APBA2: variants seen among roughly 807,000 people sequenced by gnomAD.
APBA2 encodes the protein amyloid beta precursor protein binding family A member 2, also known as amyloid-beta A4 precursor protein-binding family A member 2.
A neutral mutation model predicts 75.0 loss-of-function variants in APBA2; 30 were observed. The ratio of observed to expected loss-of-function variants is 0.40; its 90% CI spans 0.30 to 0.54. APBA2 has a LOEUF of 0.54. APBA2 is among the 20% of genes least tolerant of loss of function. The pLI is 0.49. For synonymous variants in APBA2, 444 were observed against 409.6 expected (o/e 1.08, Z -1.01); for missense variants, 801 against 1,016.1 (o/e 0.79, Z 2.88).
chr15:29,117,220 C>T lies in APBA2; in HGVS notation c.*87C>T. On this transcript the variant is annotated 3_prime_UTR_variant, in exon 15 of 15. Transcript: ENST00000683413. ...TGGGAGCCGGGCCGCAGACTTGACC[C>T]CGACGCCACAGCCCAGCCACGGACG... 7.8e-7 allele frequency: 1 copy of T among 1,283,000 alleles called. No homozygotes were observed. The highest frequency in any genetic ancestry group is 1.1e-6 in the Non-Finnish European group (1 of 884,240). The allele number at this position is 1,283,000 out of a possible 1,614,324, so 79.5% of individuals were successfully genotyped here.
At chr15:29,089,128 G>A (rs2043431604) in intron 6 of APBA2, among the ~76,000 whole-genome samples, 1 of 152,198 alleles carries the variant, frequency 6.6e-6, no homozygotes, top group African/African-American at 2.4e-5. Context: ...TTGTTCTGTG[G>A]CTGTGGGACT....
At chr15:28,950,385 T>G (rs4456468) in intron 2 of APBA2, among the ~76,000 whole-genome samples, 23 of 151,922 alleles carry the variant, frequency 1.5e-4, no homozygotes, top group African/African-American at 5.6e-4. Flanking sequence ...TCCCAGCACT[T>G]TGGGAGGCCG....
chr15:29,114,816 G>A (rs1350321164), intron 14 of APBA2, among the ~76,000 whole-genome samples: 5 of 150,884 alleles, frequency 3.3e-5, no homozygotes, highest in African/African-American at 9.8e-5. Context: ...GAGTGTATGC[G>A]GATGTACGTG....
rs1049145164 is a variant in APBA2, at chr15:28,991,439, G to A, written c.-94-4314G>A. On this transcript the variant is annotated intron_variant, in intron 2 of 14. Transcript: ENST00000683413. This position sits in a 1 kb window ranked among gnomAD's most constrained non-coding sequence, Gnocchi z 4.7. ...CTTGTGCCGGAGCTCACCTTGTGCC[G>A]GAGCTCACCTTGTGCCAGGTGTTGA... Among the ~76,000 whole-genome samples the A allele has an allele frequency of 7.3e-6, 1 of 137,040 alleles. No homozygotes were observed. Among genetic ancestry groups the A allele is most frequent in the South Asian group, 2.1e-4 (1 of 4,754 alleles). The allele number at this position is 137,040 out of a possible 152,430, so 89.9% of individuals were successfully genotyped here.
intron 2 of APBA2, among the ~76,000 whole-genome samples, chr15:28,932,886 T>C (rs1220941121): frequency 1.3e-5 from 2 of 152,176 alleles, no homozygotes; most frequent in Admixed American, 6.5e-5. Flanking sequence ...TGTATTCTGC[T>C]GCTGAAACAG....
At chr15:28,956,172 AC>A (rs559502532) in intron 2 of APBA2, among the ~76,000 whole-genome samples, 5 of 152,170 alleles carry the variant, frequency 3.3e-5, no homozygotes, top group African/African-American at 1.2e-4. Flanking sequence ...TGCTGTGGTA[AC>A]AGAAGGGTGG....
At chr15:28,983,371 GTAAT>G (rs2037724578) in intron 2 of APBA2, among the ~76,000 whole-genome samples, 1 of 152,118 alleles carries the variant, frequency 6.6e-6, no homozygotes, top group South Asian at 2.1e-4. Context: ...TGGCGGGAGA[GTAAT>G]TGGCTTTGGT....
At chr15:28,968,434 A>G (rs1361137638) in intron 2 of APBA2, among the ~76,000 whole-genome samples, 3 of 152,174 alleles carry the variant, frequency 2.0e-5, no homozygotes, top group Non-Finnish European at 4.4e-5. Flanking sequence ...CCTGTGGAAC[A>G]TCTCCCTTCT....
At chr15:29,096,821 C>T (rs11070544) in intron 8 of APBA2, among the ~76,000 whole-genome samples, 101,123 of 152,190 alleles carry the variant, frequency 0.66, 39,159 homozygotes, top group Non-Finnish European at 0.86. Context: ...CCAGTGACCA[C>T]GGAGAATTAT....
intron 2 of APBA2, among the ~76,000 whole-genome samples, chr15:28,977,865 G>A (rs887985007): frequency 1.3e-5 from 2 of 152,140 alleles, no homozygotes; most frequent in African/African-American, 2.4e-5. Flanking sequence ...ACAGTCGGGT[G>A]TGGAGCAGTT....
At chr15:29,071,890 C>G (rs1269823503) in intron 4 of APBA2, among the ~76,000 whole-genome samples, 1 of 152,030 alleles carries the variant, frequency 6.6e-6, no homozygotes, top group Non-Finnish European at 1.5e-5. Flanking sequence ...TGCCCGTGGA[C>G]ACCCCATACT....
chr15:29,031,545 C>G (rs2040487954), intron 3 of APBA2, among the ~76,000 whole-genome samples: 1 of 152,160 alleles, frequency 6.6e-6, no homozygotes, highest in African/African-American at 2.4e-5. Flanking sequence ...TCTTGGCCCA[C>G]TGCAACCTCT....
chr15:29,104,743 G>A (rs1239889325), intron 10 of APBA2, among the ~76,000 whole-genome samples: 1 of 152,118 alleles, frequency 6.6e-6, no homozygotes, highest in African/African-American at 2.4e-5. Context: ...CGATGCTCCC[G>A]GAAAACACAC....
rs80038355 is a variant in APBA2 at position 29,085,124 on chromosome 15, C to A, written c.1070-7951C>A. Among the ~76,000 whole-genome samples, 1,187 of 152,252 alleles carry A rather than the reference C, an allele frequency of 7.8e-3. 19 individuals are homozygous for A. Among genetic ancestry groups the A allele is most frequent in the African/African-American group, 0.025 (1,031 of 41,536 alleles). ...TCTTCTTCATTAGTTAGCTGGAATT[C>A]TTCTATGTAGAGAAACTTTCCCTCA... is the stretch of plus-strand genomic sequence containing the variant. On this transcript the variant is annotated intron_variant, in intron 6 of 14. Transcript: ENST00000683413.
At chr15:29,001,330 C>A (rs949575567) in intron 3 of APBA2, among the ~76,000 whole-genome samples, 1 of 152,160 alleles carries the variant, frequency 6.6e-6, no homozygotes, top group Admixed American at 6.5e-5. Context: ...CCCACCTCAG[C>A]CCCCTGAGTA....
At chr15:29,090,580 G>C (rs2043512583) in intron 6 of APBA2, among the ~76,000 whole-genome samples, 1 of 152,166 alleles carries the variant, frequency 6.6e-6, no homozygotes, top group South Asian at 2.1e-4. Flanking sequence ...GTGCCAGGCA[G>C]CCCCTGCCAC....
intron 3 of APBA2, among the ~76,000 whole-genome samples, chr15:29,047,886 A>T (rs1417860305): frequency 1.3e-5 from 2 of 152,188 alleles, no homozygotes; most frequent in Non-Finnish European, 2.9e-5. Flanking sequence ...TAAGGAAGAG[A>T]TCTATTCGCA....
Position 29,082,323 on chromosome 15 carries a change from A to G in APBA2, c.1069+6232A>G, listed in dbSNP as rs867968787. ...GTTTACATGGTGAAATGACTACCAC[A>G]GCCAAGCGCATTAACATAGCCATCA... On this transcript the variant is annotated intron_variant, in intron 6 of 14. Transcript: ENST00000683413. Among the ~76,000 whole-genome samples, 12 of 152,366 alleles carry G rather than the reference A, an allele frequency of 7.9e-5. 1 individual carries two copies. The highest frequency in any genetic ancestry group is 6.8e-3 in the Middle Eastern group (2 of 294).
chr15:28,952,555 C>T (rs1241257300), intron 2 of APBA2, among the ~76,000 whole-genome samples: 1 of 152,124 alleles, frequency 6.6e-6, no homozygotes, highest in South Asian at 2.1e-4. Context: ...ATCTGGGGTA[C>T]CTGCTATCCA....
Sources: allele counts gnomAD v4.1 joint callset (sites outside exome capture counted in the v4.1 genomes callset), GRCh38; gene constraint gnomAD v4.1.1; non-coding constraint Gnocchi (gnomAD v3.1); transcripts MANE v1.5; gene names NCBI Gene and HGNC (gene_info 2026-07-23, HGNC 2026-07-21).